PHF14: variants seen among roughly 807,000 people sequenced by gnomAD.
PHF14 encodes PHD finger protein 14.
A neutral mutation model predicts 117.9 loss-of-function variants in PHF14; 55 were observed. The observed-to-expected ratio is 0.47, with a 90% CI of 0.38 to 0.58. The LOEUF (loss-of-function observed/expected upper bound fraction) is 0.58. Among genes scored for constraint, PHF14 ranks in the 20% least tolerant of loss-of-function variants. The pLI, the probability that PHF14 is intolerant of heterozygous loss-of-function variation, is 0.00. For missense variants in PHF14, 978 were observed against 1,122.2 expected, an observed-to-expected ratio of 0.87 and a Z score of 1.84; for synonymous variants, 409 against 368.6, an observed-to-expected ratio of 1.11 and a Z score of -1.26.
chr7:11,121,868 A>G (rs965623606), intron 17 of PHF14, among the ~76,000 whole-genome samples: 2 of 151,250 alleles, frequency 1.3e-5, no homozygotes, highest in African/African-American at 4.9e-5. Flanking sequence ...TTTTTTTTCT[A>G]TAAGTTCTGG....
At position 11,105,560 on chromosome 7, in the gene PHF14, T is replaced by C. The variant is rs543453187; in HGVS notation, c.2655-5790T>C. The C allele has an allele frequency of 1.3e-3, 1,233 of 982,576 alleles. 1 individual carries two copies. Among genetic ancestry groups the C allele is most frequent in the Non-Finnish European group, 1.4e-3 (1,172 of 827,482 alleles). The allele number at this position is 982,576 out of a possible 1,614,324, so 60.9% of individuals were successfully genotyped here. ...AAAATTTAAAAATGGCAATTGAAAC[T>C]TGTTTAAGAGACTCAACTTGGAGTT... On this transcript the variant is annotated intron_variant, in intron 16 of 17. Coordinates refer to ENST00000634607, the MANE Select transcript of PHF14 (RefSeq NM_001007157.2).
rs59102692 is a variant in PHF14, at chr7:11,131,511, T to G, written c.2772+20044T>G. ...TAAATTGGGTTGTAAAATTATTGTT[T>G]AATTTTAAAGAGTTATTTGTATATT... On this transcript the variant is annotated intron_variant, in intron 17 of 17. Transcript: ENST00000634607. 8.0e-3 allele frequency among the ~76,000 whole-genome samples: 1,211 copies of G among 152,058 alleles called. 11 individuals carry two copies. Among genetic ancestry groups the G allele is most frequent in the African/African-American group, 0.028 (1,153 of 41,530 alleles).
At chr7:11,013,448 C>T (rs1364524759) in intron 4 of PHF14, among the ~76,000 whole-genome samples, 2 of 152,170 alleles carry the variant, frequency 1.3e-5, no homozygotes, top group Non-Finnish European at 2.9e-5. Flanking sequence ...AGGCATGAGC[C>T]ACTGCACCCA....
chr7:11,167,185 G>GC (rs1221671737), intron 17 of PHF14, among the ~76,000 whole-genome samples: 2 of 152,116 alleles, frequency 1.3e-5, no homozygotes, highest in African/African-American at 4.8e-5. Context: ...AAACTAGATA[G>GC]CCAAGCATGT....
chr7:11,008,860 C>T (rs964079619), intron 4 of PHF14, among the ~76,000 whole-genome samples: 2 of 151,532 alleles, frequency 1.3e-5, no homozygotes, highest in Admixed American at 6.6e-5. Context: ...ATGGTGAAAC[C>T]CCGTCTCTAC....
intron 7 of PHF14, 65 bp from the exon 8 acceptor site, chr7:11,035,575 G>A (rs537703448): frequency 1.0e-6 from 1 of 957,350 alleles, no homozygotes; most frequent in South Asian, 3.0e-5. Flanking sequence ...ATTCTTTTGT[G>A]TTAGGTCTTT....
intron 17 of PHF14, among the ~76,000 whole-genome samples, chr7:11,145,784 C>G (rs1009620937): frequency 6.6e-6 from 1 of 151,992 alleles, no homozygotes; most frequent in Non-Finnish European, 1.5e-5. Context: ...TTTATTAAAA[C>G]AGTAAATTAA....
intron 16 of PHF14, chr7:11,102,426 G>T: frequency 6.3e-7 from 1 of 1,576,214 alleles, no homozygotes; most frequent in Non-Finnish European, 8.7e-7. Flanking sequence ...ATAAGACATA[G>T]TGCAGAGCTG....
chr7:11,042,104 T>C (rs895909674), intron 12 of PHF14, among the ~76,000 whole-genome samples: 1 of 151,964 alleles, frequency 6.6e-6, no homozygotes, highest in Admixed American at 6.6e-5. Context: ...TATCAATTGA[T>C]GTGTGCGTTT....
intron 7 of PHF14, 123 bp from the exon 8 acceptor site, chr7:11,035,517 T>C: frequency 3.9e-6 from 2 of 516,796 alleles, no homozygotes; most frequent in Non-Finnish European, 6.3e-6. Context: ...ATTTTTGTAA[T>C]TTATTAGATG....
chr7:10,987,985 C>T lies in PHF14; in HGVS notation c.901-2718C>T, dbSNP rs774084603. Among the ~76,000 whole-genome samples, 20 of 136,264 alleles carry T rather than the reference C, an allele frequency of 1.5e-4. No homozygotes were observed. In the Middle Eastern group the frequency reaches 0.026, roughly 174 times the overall value. The allele number at this position is 136,264 out of a possible 152,430, so 89.4% of individuals were successfully genotyped here. On this transcript the variant is annotated intron_variant, in intron 3 of 17. Transcript: ENST00000634607. The stretch of plus-strand genomic sequence containing the variant: ...GAGCCGAGATCCCACCATTGCACTC[C>T]AGCCTGGGCAACAAGAGCGAAACTC...
intron 16 of PHF14, among the ~76,000 whole-genome samples, chr7:11,097,777 A>G (rs1352271840): frequency 6.6e-6 from 1 of 152,170 alleles, no homozygotes; most frequent in Non-Finnish European, 1.5e-5. Context: ...ATTGTATTAC[A>G]TAAGAATCAA....
intron 17 of PHF14, among the ~76,000 whole-genome samples, chr7:11,147,095 A>C (rs1583501441): frequency 6.6e-6 from 1 of 152,208 alleles, no homozygotes; most frequent in African/African-American, 2.4e-5. Context: ...AGATCTGCCC[A>C]CCTCGGCTTC....
intron 17 of PHF14, among the ~76,000 whole-genome samples, chr7:11,137,590 C>CTTT (rs5882293): frequency 1.4e-3 from 133 of 93,946 alleles, no homozygotes; most frequent in Non-Finnish European, 1.9e-3. Flanking sequence ...CTTAAAAATT[C>CTTT]TTTTTTTTTT....
chr7:11,072,366 C>G (rs1562451234), intron 16 of PHF14, among the ~76,000 whole-genome samples: 1 of 152,186 alleles, frequency 6.6e-6, no homozygotes, highest in African/African-American at 2.4e-5. Flanking sequence ...CCAGTCACCT[C>G]CCATCAGGTC....
At chr7:11,030,433 C>T (rs927652057) in intron 7 of PHF14, among the ~76,000 whole-genome samples, 2 of 152,172 alleles carry the variant, frequency 1.3e-5, no homozygotes, top group East Asian at 1.9e-4. Context: ...TGCACAGCAT[C>T]ATATGTCATC....
intron 17 of PHF14, among the ~76,000 whole-genome samples, chr7:11,119,323 G>A (rs879761587): frequency 6.6e-6 from 1 of 151,712 alleles, no homozygotes; most frequent in East Asian, 1.9e-4. Context: ...CTTTACAAAA[G>A]TTAATAAAAG....
At chr7:11,118,570 C>G (rs1787663303) in intron 17 of PHF14, among the ~76,000 whole-genome samples, 1 of 151,526 alleles carries the variant, frequency 6.6e-6, no homozygotes, top group Admixed American at 6.6e-5. Context: ...CATTTATGTC[C>G]TGAATTGAAC....
intron 2 of PHF14, among the ~76,000 whole-genome samples, chr7:10,977,630 A>T (rs1183506010): frequency 6.6e-6 from 1 of 152,290 alleles, no homozygotes; most frequent in South Asian, 2.1e-4. Context: ...TTTATTTTTA[A>T]TGCAAAAGCA....
Sources: allele counts gnomAD v4.1 joint callset (sites outside exome capture counted in the v4.1 genomes callset), GRCh38; gene constraint gnomAD v4.1.1; transcripts MANE v1.5; gene names NCBI Gene and HGNC (gene_info 2026-07-23, HGNC 2026-07-21).